The following SYN2 variants were observed in gnomAD, a reference collection of about 807,000 sequenced individuals.
SYN2 encodes the protein synapsin II.
In SYN2, 19 loss-of-function variants were observed where a neutral mutation model predicts 50.9. That is an observed-to-expected ratio of 0.37 (90% CI 0.26 to 0.55). The LOEUF (loss-of-function observed/expected upper bound fraction) is 0.55, where lower values mean the gene tolerates loss of function less well. Ranked by LOEUF, SYN2 falls within the 20% of genes least tolerant of loss-of-function variation. SYN2 has a pLI of 0.81. For missense variants in SYN2, 587 were observed against 576.4 expected (o/e 1.02, Z -0.19); for synonymous variants, 255 against 224.9 (o/e 1.13, Z -1.20).
chr3:12,046,884 C>T (rs1177821200), intron 1 of SYN2, among the ~76,000 whole-genome samples: 3 of 152,036 alleles, frequency 2.0e-5, no homozygotes, highest in Admixed American at 6.6e-5. Context: ...TTGAAGGAAC[C>T]TGAAGGACAG....
chr3:12,165,217 C>T (rs546819423), intron 7 of SYN2: 49 of 152,280 alleles, frequency 3.2e-4, no homozygotes, highest in Admixed American at 2.9e-3. Flanking sequence ...GATCTCCCGA[C>T]CTCGTGATCC....
intron 5 of SYN2, chr3:12,157,295 C>G: frequency 8.1e-7 from 1 of 1,237,152 alleles, no homozygotes; most frequent in Non-Finnish European, 1.2e-6. Context: ...CTGAGCCAGG[C>G]CACCTGAAAG....
chr3:12,025,171 G>A (rs187817883), intron 1 of SYN2, among the ~76,000 whole-genome samples: 2 of 151,900 alleles, frequency 1.3e-5, no homozygotes, highest in Admixed American at 6.5e-5. Context: ...CATCATGGGG[G>A]GGGAGGGGCT....
At chr3:12,033,525 A>G (rs546424693) in intron 1 of SYN2, among the ~76,000 whole-genome samples, 2 of 152,110 alleles carry the variant, frequency 1.3e-5, no homozygotes, top group African/African-American at 4.8e-5. Flanking sequence ...AAATTGAGAT[A>G]TTATTTGCAT....
chr3:12,147,752 A>G (rs1011347396), intron 4 of SYN2, among the ~76,000 whole-genome samples: 1 of 152,122 alleles, frequency 6.6e-6, no homozygotes, highest in African/African-American at 2.4e-5. Flanking sequence ...CAAACTGGGA[A>G]TAATAGTAGC....
At chr3:12,153,688 A>G (rs1317839564) in intron 5 of SYN2, 1 of 1,614,218 alleles carries the variant, frequency 6.2e-7, no homozygotes. Context: ...GAGATGGTAC[A>G]GGGTACTGTG....
At chr3:12,153,127 A>G (rs924245891) in intron 5 of SYN2, 30 of 284,672 alleles carry the variant, frequency 1.1e-4, no homozygotes, top group African/African-American at 6.4e-4. Context: ...ACCTTCTGAT[A>G]CTGTACATCG....
chr3:12,058,368 A>G (rs1430403262), intron 1 of SYN2, among the ~76,000 whole-genome samples: 1 of 152,238 alleles, frequency 6.6e-6, no homozygotes, highest in East Asian at 1.9e-4. Flanking sequence ...GGACTACTAA[A>G]GGAATCAGAA....
intron 1 of SYN2, among the ~76,000 whole-genome samples, chr3:12,046,572 AT>A (rs1694744380): frequency 6.6e-6 from 1 of 152,272 alleles, no homozygotes; most frequent in African/African-American, 2.4e-5. Flanking sequence ...TCCTTTTGAT[AT>A]TTTGAAATGA....
chr3:12,184,620 T>C (rs1250135829), intron 11 of SYN2: 15 of 985,822 alleles, frequency 1.5e-5, no homozygotes, highest in Non-Finnish European at 1.8e-5. Context: ...GCTTTCTCTT[T>C]CCTGGGAGGA....
intron 1 of SYN2, chr3:12,070,602 A>C (rs1695331040): frequency 7.3e-7 from 1 of 1,375,854 alleles, no homozygotes. Context: ...GACCCAGATC[A>C]TGTTTGAGAC....
At chr3:12,167,127 A>T in intron 7 of SYN2, 107 bp from the exon 8 acceptor site, 1 of 1,124,572 alleles carries the variant, frequency 8.9e-7, no homozygotes, top group Non-Finnish European at 1.3e-6. Context: ...CTTGTGGGAG[A>T]AGCAGGTGTG....
At chr3:12,053,559 T>C (rs1177148980) in intron 1 of SYN2, among the ~76,000 whole-genome samples, 5 of 152,178 alleles carry the variant, frequency 3.3e-5, no homozygotes, top group Non-Finnish European at 7.3e-5. Flanking sequence ...CAAACATAAT[T>C]ATTCTGTAAT....
chr3:12,026,578 T>C (rs992594521), intron 1 of SYN2, among the ~76,000 whole-genome samples: 1 of 151,844 alleles, frequency 6.6e-6, no homozygotes, highest in African/African-American at 2.4e-5. Context: ...AGTAGGAGAT[T>C]AGGGGAGTAA....
chr3:12,127,128 C>T (rs1696687921), intron 1 of SYN2, among the ~76,000 whole-genome samples: 1 of 152,158 alleles, frequency 6.6e-6, no homozygotes, highest in East Asian at 1.9e-4. Context: ...TGTCCAAACA[C>T]TAGGGGTAAA....
chr3:12,170,310 C>T (rs1032772206), intron 10 of SYN2, among the ~76,000 whole-genome samples: 6 of 152,142 alleles, frequency 3.9e-5, no homozygotes, highest in South Asian at 2.1e-4. Flanking sequence ...CTGCTATCTT[C>T]GTAAATAAGG....
chr3:12,043,277 C>T (rs1037941953), intron 1 of SYN2, among the ~76,000 whole-genome samples: 1 of 152,118 alleles, frequency 6.6e-6, no homozygotes, highest in Non-Finnish European at 1.5e-5. Context: ...TCCTGGAAAA[C>T]AAACCTCTCA....
Position 12,145,812 on chromosome 3 carries a change from A to G in SYN2, c.661A>G (p.Asn221Asp). ...PSINSLESIYNFCDKPWVFAQ... is the reference protein window; with the variant it reads ...PSINSLESIYDFCDKPWVFAQ... ...CATCAACTCACTGGAATCCATATAC[A>G]ACTTCTGTGACAAGCCATGGGTGGT... Residue 221 changes from asparagine (N) to aspartate (D), a missense_variant, in exon 4 of 13, where the codon AAC becomes GAC. Coordinates refer to ENST00000621198, the MANE Select transcript of SYN2 (RefSeq NM_133625.6). The G allele has an allele frequency of 6.2e-7, 1 of 1,613,908 alleles. No individual in the cohort carries two copies. The highest frequency in any genetic ancestry group is 8.5e-7 in the Non-Finnish European group (1 of 1,179,858).
chr3:12,185,060 C>T, intron 11 of SYN2: 1 of 985,822 alleles, frequency 1.0e-6, no homozygotes, highest in Non-Finnish European at 1.2e-6. Flanking sequence ...TCTGAGGCCA[C>T]AGAGAAATGC....
Sources: allele counts gnomAD v4.1 joint callset (sites outside exome capture counted in the v4.1 genomes callset), GRCh38; gene constraint gnomAD v4.1.1; transcripts MANE v1.5; gene names NCBI Gene and HGNC (gene_info 2026-07-23, HGNC 2026-07-21).